FAM186B: variants seen among roughly 807,000 people sequenced by gnomAD.
The protein encoded by FAM186B is protein FAM186B.
FAM186B carries 68 observed loss-of-function variants against 83.4 expected under a neutral mutation model. The ratio of observed to expected loss-of-function variants is 0.81; its 90% CI spans 0.67 to 1.00. The LOEUF is 1.00. FAM186B is among the 50% of genes least tolerant of loss of function. FAM186B has a pLI of 0.00. For missense variants in FAM186B, 983 were observed against 1,099.2 expected (o/e 0.89, Z 1.49); for synonymous variants, 389 against 422.0 (o/e 0.92, Z 0.96).
At chr12:49,613,041 C>T in the FAM186B span, among the ~76,000 whole-genome samples, 3 of 152,320 alleles carry the variant, frequency 2.0e-5, no homozygotes, top group South Asian at 2.1e-4. Flanking sequence ...CATATTCTCA[C>T]ACCTCAGTGG....
rs1939875303 is a variant in FAM186B at position 49,600,895 on chromosome 12, G to A, written c.745C>T (p.Leu249Phe). 2 of 1,614,060 alleles carry A rather than the reference G, an allele frequency of 1.2e-6. No individual in the cohort carries two copies. The highest frequency in any genetic ancestry group is 1.7e-6 in the Non-Finnish European group (2 of 1,180,024). Residue 249 changes from leucine to phenylalanine, a missense_variant, in exon 4 of 7, where the codon CTC becomes TTC. By Grantham distance (22) the Leu-to-Phe change is conservative. Transcript: ENST00000257894. This position sits in a 1 kb window ranked among gnomAD's most constrained non-coding sequence, Gnocchi z 4.3. ...AGGCTCCTGTTCTCCTTGTGTTGGA[G>A]GATCAAGGCCTTGTTGAGGTTCTCC... is the stretch of plus-strand genomic sequence containing the variant. Reference protein sequence around the residue: ...VVENLNKALILQHKENRSLET... With the variant: ...VVENLNKALIFQHKENRSLET...
downstream of FAM186B, among the ~76,000 whole-genome samples, chr12:49,585,778 G>A (rs1247227663): frequency 6.6e-6 from 1 of 152,250 alleles, no homozygotes; most frequent in African/African-American, 2.4e-5. Flanking sequence ...CCACGCAGCA[G>A]GTGGATGTGA....
At chr12:49,598,470 CAGA>C (rs1036464649) in intron 5 of FAM186B, among the ~76,000 whole-genome samples, 12 of 152,180 alleles carry the variant, frequency 7.9e-5, no homozygotes, top group African/African-American at 2.4e-4. Context: ...TCCTCTTCTC[CAGA>C]AGAACTCTTC....
chr12:49,594,244 G>A, intron 5 of FAM186B: 1 of 244,900 alleles, frequency 4.1e-6, no homozygotes, highest in Non-Finnish European at 9.0e-6. Flanking sequence ...AAGATTGGTG[G>A]GTTTTGATGC....
chr12:49,589,968 ACT>A (rs1437871686), intron 5 of FAM186B, among the ~76,000 whole-genome samples: 1 of 126,978 alleles, frequency 7.9e-6, no homozygotes, highest in South Asian at 2.4e-4. Flanking sequence ...CAATAGCGAG[ACT>A]CTGTCTCCAA....
At chr12:49,595,281 T>C (rs1391443672) in intron 5 of FAM186B, 4 of 681,624 alleles carry the variant, frequency 5.9e-6, no homozygotes, top group Admixed American at 5.6e-5. Flanking sequence ...TCATTTGTCC[T>C]GATGCCAGTC....
At chr12:49,601,541 TG>T (rs1254248562) in intron 3 of FAM186B, among the ~76,000 whole-genome samples, 1 of 152,202 alleles carries the variant, frequency 6.6e-6, no homozygotes, top group Non-Finnish European at 1.5e-5. Flanking sequence ...CTAGGAAGCC[TG>T]GTTTCCCTTT....
At chr12:49,614,080 G>A in the FAM186B span, among the ~76,000 whole-genome samples, 12 of 151,686 alleles carry the variant, frequency 7.9e-5, no homozygotes, top group Admixed American at 1.3e-4. Context: ...AACCTGGGAG[G>A]TGGAGGTTGC....
chr12:49,621,541 T>C, the FAM186B span, among the ~76,000 whole-genome samples: 1 of 152,194 alleles, frequency 6.6e-6, no homozygotes, highest in Non-Finnish European at 1.5e-5. Flanking sequence ...ATGGAGAGAA[T>C]TCTCTGCTAT....
downstream of FAM186B, among the ~76,000 whole-genome samples, chr12:49,586,914 C>T (rs759313856): frequency 1.3e-5 from 2 of 152,186 alleles, no homozygotes; most frequent in African/African-American, 2.4e-5. Flanking sequence ...TCTTCAGGCT[C>T]TTGGCTCTGG....
the FAM186B span, among the ~76,000 whole-genome samples, chr12:49,616,123 G>A: frequency 6.3e-3 from 951 of 151,572 alleles, 6 homozygotes; most frequent in Middle Eastern, 0.021. Context: ...TCCGCCTCCC[G>A]GGTTCAAGCG....
chr12:49,602,202 G>GAAAGAACT (rs1234070303), intron 3 of FAM186B, among the ~76,000 whole-genome samples: 1 of 152,156 alleles, frequency 6.6e-6, no homozygotes. Flanking sequence ...TCCCTAAAAA[G>GAAAGAACT]AAAGAACTAA....
intron 6 of FAM186B, 46 bp from the exon 7 acceptor site, chr12:49,587,798 T>C (rs199844518): frequency 1.3e-5 from 20 of 1,577,610 alleles, no homozygotes; most frequent in Non-Finnish European, 1.5e-5. Context: ...CAGAGAGAGA[T>C]TGAGATGCAA....
At chr12:49,599,379 T>A in intron 4 of FAM186B, 90 bp downstream of exon 4, 1 of 1,445,198 alleles carries the variant, frequency 6.9e-7, no homozygotes, top group Admixed American at 2.9e-5. Context: ...CCATCCCCCC[T>A]TGCCCTGTGT....
downstream of FAM186B, among the ~76,000 whole-genome samples, chr12:49,587,041 G>A (rs1363353596): frequency 2.0e-5 from 3 of 152,206 alleles, no homozygotes; most frequent in African/African-American, 7.2e-5. Flanking sequence ...CCTTAAAAGA[G>A]CCTTGAGCCT....
intron 5 of FAM186B, among the ~76,000 whole-genome samples, chr12:49,593,742 G>A (rs1434641527): frequency 6.6e-6 from 1 of 152,078 alleles, no homozygotes; most frequent in East Asian, 1.9e-4. Flanking sequence ...GGAGGTCAAG[G>A]TGGCAGGATC....
chr12:49,601,200 C>T, intron 3 of FAM186B, 66 bp from the exon 4 acceptor site: 1 of 1,503,188 alleles, frequency 6.7e-7, no homozygotes, highest in Non-Finnish European at 8.9e-7. Flanking sequence ...ATTGATTCTC[C>T]AAACCCTGCA....
In FAM186B at chr12:49,604,325, G is replaced by C. The variant is rs2138310327; in HGVS notation, c.310C>G (p.Leu104Val). The C allele has an allele frequency of 6.2e-7, 1 of 1,613,612 alleles. No individual in the cohort carries two copies. Among genetic ancestry groups the C allele is most frequent in the East Asian group, 2.2e-5 (1 of 44,876 alleles). The change falls in exon 2 of 7, where the codon CTG (leucine) becomes GTG (valine). Residue 104 changes from leucine to valine, a missense_variant. Physicochemically the swap from Leu to Val is conservative, Grantham distance 32 (BLOSUM62 1). Transcript: ENST00000257894. ...EKHLYDILRW[L>V]GDWGDTLTYE... Reference sequence around the variant, plus strand: ...CCTGCAAACTCACCCCAGTCACCCAGCCAGCGGAGAATGTCATACAGGTGC... The same window carrying C: ...CCTGCAAACTCACCCCAGTCACCCACCCAGCGGAGAATGTCATACAGGTGC...
chr12:49,600,603 G>GTC lies in FAM186B; in HGVS notation c.1035_1036dup (p.Thr346ArgfsTer18), dbSNP rs777830506. 6.2e-7 allele frequency: 1 copy of GTC among 1,612,278 alleles called. No homozygotes were observed. The highest frequency in any genetic ancestry group is 1.7e-5 in the Admixed American group (1 of 59,876). ...CATGACTGTTTCTTTCCTTGGGAGG[G>GTC]TCTCTCTCTCAGAGGGACCTGGGGA... On this transcript the variant is annotated frameshift_variant, in exon 4 of 7. Transcript: ENST00000257894. LOFTEE classifies it high-confidence loss of function. This position sits in a 1 kb window ranked among gnomAD's most constrained non-coding sequence, Gnocchi z 4.3.
Sources: allele counts gnomAD v4.1 joint callset (sites outside exome capture counted in the v4.1 genomes callset), GRCh38; gene constraint gnomAD v4.1.1; non-coding constraint Gnocchi (gnomAD v3.1); transcripts MANE v1.5; gene names NCBI Gene and HGNC (gene_info 2026-07-23, HGNC 2026-07-21).